MAPK14: variants seen among roughly 807,000 people sequenced by gnomAD.
The protein encoded by MAPK14 is mitogen-activated protein kinase 14, also known as CSAID-binding protein.
MAPK14 carries 16 observed loss-of-function variants against 49.6 expected under a neutral mutation model. The ratio of observed to expected loss-of-function variants is 0.32; its 90% confidence interval spans 0.22 to 0.49. The LOEUF (loss-of-function observed/expected upper bound fraction) is 0.49, where lower values mean the gene tolerates loss of function less well. Among genes scored for constraint, MAPK14 ranks in the 20% least tolerant of loss-of-function variants. MAPK14 has a pLI of 0.99. For missense variants in MAPK14, 200 were observed against 441.2 expected, an observed-to-expected ratio of 0.45 and a Z score of 4.90; for synonymous variants, 142 against 158.0, an observed-to-expected ratio of 0.90 and a Z score of 0.76.
Position 36,052,875 on chromosome 6 carries a change from T to G in MAPK14, c.246+47T>G, listed in dbSNP as rs377075932. The stretch of plus-strand genomic sequence containing the variant: ...GAATACATTTTGATCTTGAATAGAC[T>G]GGGGAAAAATGTTTTAATTACTGCA... On this transcript the variant is annotated intron_variant, in intron 2 of 11. Transcript: ENST00000229794. 3 of 1,539,074 alleles carry G rather than the reference T, an allele frequency of 1.9e-6. No homozygotes were observed. The African/African-American group carries it at 4.1e-5, about 21-fold the overall frequency.
chr6:36,092,608 G>A (rs1373119991), intron 8 of MAPK14: 2 of 425,322 alleles, frequency 4.7e-6, no homozygotes, highest in Non-Finnish European at 9.1e-6. Context: ...ATAATATAGT[G>A]TTTCCATTCT....
the MAPK14 span, among the ~76,000 whole-genome samples, chr6:36,120,278 A>G: frequency 6.6e-6 from 1 of 152,216 alleles, no homozygotes; most frequent in African/African-American, 2.4e-5. Context: ...TTTCATCATG[A>G]TGATGAGTAT....
At position 36,084,710 on chromosome 6, in the gene MAPK14, TA is replaced by T. The variant is rs576852587; in HGVS notation, c.682+8106del. ...TGAACCTGCGAATGATAGGGGTACC[TA>T]AAAGAATTGGGGAGAATGGAAACAA... On this transcript the variant is annotated intron_variant, in intron 8 of 11. Coordinates refer to ENST00000229794, the MANE Select transcript of MAPK14 (RefSeq NM_139012.3). Among the ~76,000 whole-genome samples the T allele has an allele frequency of 1.0e-3, 154 of 152,264 alleles. 1 individual carries two copies. The highest frequency in any genetic ancestry group is 1.6e-3 in the Admixed American group (24 of 15,302).
At chr6:36,049,070 C>T (rs920885106) in intron 1 of MAPK14, among the ~76,000 whole-genome samples, 1 of 152,048 alleles carries the variant, frequency 6.6e-6, no homozygotes, top group Non-Finnish European at 1.5e-5. Flanking sequence ...CCAGGATGGA[C>T]AGTATTTAGA....
At chr6:36,099,948 CT>C (rs1215742170) in intron 9 of MAPK14, among the ~76,000 whole-genome samples, 1 of 152,110 alleles carries the variant, frequency 6.6e-6, no homozygotes, top group African/African-American at 2.4e-5. Flanking sequence ...AAAGATGATG[CT>C]AAAACCAAAG....
At chr6:36,098,342 A>G (rs1240555667) in intron 9 of MAPK14, among the ~76,000 whole-genome samples, 3 of 152,198 alleles carry the variant, frequency 2.0e-5, no homozygotes, top group Non-Finnish European at 4.4e-5. Flanking sequence ...CCCAGTATCT[A>G]TAATAATCAG....
intron 3 of MAPK14, among the ~76,000 whole-genome samples, chr6:36,064,642 C>CT (rs1338383992): frequency 2.0e-5 from 3 of 152,100 alleles, no homozygotes; most frequent in Admixed American, 6.5e-5. Context: ...ATAAGTTTAG[C>CT]TTTTTTATTT....
chr6:36,068,620 A>C (rs1764152895), intron 3 of MAPK14, among the ~76,000 whole-genome samples: 1 of 152,176 alleles, frequency 6.6e-6, no homozygotes, highest in South Asian at 2.1e-4. Context: ...AATTGCTTTG[A>C]ATAGGACTGA....
At chr6:36,092,262 C>A in intron 8 of MAPK14, 1 of 575,424 alleles carries the variant, frequency 1.7e-6, no homozygotes, top group Non-Finnish European at 3.4e-6. Flanking sequence ...CCATATAGAC[C>A]ACTGGAGAAC....
At chr6:36,080,864 T>C (rs182470583) in intron 8 of MAPK14, among the ~76,000 whole-genome samples, 373 of 152,132 alleles carry the variant, frequency 2.5e-3, no homozygotes, top group Non-Finnish European at 3.8e-3. Flanking sequence ...TTTTTTTTAA[T>C]AGTCACCCAA....
At chr6:36,031,901 C>G (rs1418226500) in intron 1 of MAPK14, among the ~76,000 whole-genome samples, 1 of 152,150 alleles carries the variant, frequency 6.6e-6, no homozygotes, top group Non-Finnish European at 1.5e-5. Context: ...ACTTCTTGAA[C>G]TGGACCTGAA....
At chr6:36,119,842 CT>C in the MAPK14 span, among the ~76,000 whole-genome samples, 1 of 152,200 alleles carries the variant, frequency 6.6e-6, no homozygotes, top group African/African-American at 2.4e-5. Context: ...GACTCAACAT[CT>C]TGGCAGATCT....
In MAPK14 at chr6:36,110,986, G is replaced by A. The variant is rs932404472; in HGVS notation, c.*2539G>A. 4.6e-5 allele frequency: 7 copies of A among 152,272 alleles called. No individual in the cohort carries two copies. The highest frequency in any genetic ancestry group is 4.1e-4 in the South Asian group (2 of 4,820). The allele number at this position is 152,272 out of a possible 1,614,324, so 9.4% of individuals were successfully genotyped here. ...GTAAAGCAAAGAGCAAATGAACGAA[G>A]TATTAAGCATTGGGGCCTGTCTTAT... On this transcript the variant is annotated 3_prime_UTR_variant, in exon 12 of 12. Coordinates refer to ENST00000229794, the MANE Select transcript of MAPK14 (RefSeq NM_139012.3).
At chr6:36,116,300 A>G in the MAPK14 span, among the ~76,000 whole-genome samples, 1 of 152,092 alleles carries the variant, frequency 6.6e-6, no homozygotes, top group South Asian at 2.1e-4. Context: ...GAAAGTGGTA[A>G]GCAACTCTTG....
downstream of MAPK14, among the ~76,000 whole-genome samples, chr6:36,115,780 T>C (rs949824310): frequency 4.6e-5 from 7 of 151,990 alleles, no homozygotes; most frequent in South Asian, 2.1e-4. Context: ...GATAGAAAAA[T>C]TAGTCAGCTG....
intron 8 of MAPK14, among the ~76,000 whole-genome samples, chr6:36,088,653 C>T (rs112249319): frequency 0.12 from 17,878 of 148,910 alleles, 1,156 homozygotes; most frequent in African/African-American, 0.18. Context: ...ACCCAGGAGG[C>T]GGAGCTGGCA....
intron 1 of MAPK14, among the ~76,000 whole-genome samples, chr6:36,046,256 T>C (rs1265284932): frequency 1.3e-5 from 2 of 152,234 alleles, no homozygotes; most frequent in African/African-American, 4.8e-5. Flanking sequence ...TGAATTAATT[T>C]GATAATTTTG....
intron 1 of MAPK14, among the ~76,000 whole-genome samples, chr6:36,034,293 G>A (rs1762653615): frequency 6.6e-6 from 1 of 152,134 alleles, no homozygotes; most frequent in Admixed American, 6.5e-5. Context: ...GAATTATTAG[G>A]CAGTGCAAAT....
chr6:36,032,737 C>T (rs1475859346), intron 1 of MAPK14, among the ~76,000 whole-genome samples: 2 of 152,226 alleles, frequency 1.3e-5, no homozygotes, highest in Non-Finnish European at 2.9e-5. Context: ...TCTCCTGGAA[C>T]TTACAGCCTA....
Sources: gnomAD v4.1 joint callset for allele counts (sites outside exome capture counted in the v4.1 genomes callset) on GRCh38, gnomAD v4.1.1 for gene constraint, MANE v1.5 for transcripts, NCBI Gene and HGNC (gene_info 2026-07-23, HGNC 2026-07-21) for gene names.